CCDC73: variants seen among roughly 807,000 people sequenced by gnomAD.
The protein encoded by CCDC73 is coiled-coil domain-containing protein 73.
CCDC73 carries 95 observed loss-of-function variants against 116.5 expected under a neutral mutation model. The observed-to-expected ratio is 0.82, with a 90% confidence interval of 0.69 to 0.97. The LOEUF (loss-of-function observed/expected upper bound fraction) is 0.97. Ranked by LOEUF, CCDC73 falls within the 50% of genes least tolerant of loss-of-function variation. The pLI is 0.00. For missense variants in CCDC73, 1,066 were observed against 1,206.8 expected (o/e 0.88, Z 1.73); for synonymous variants, 398 against 401.3 (o/e 0.99, Z 0.10).
chr11:32,739,542 A>G lies in CCDC73; in HGVS notation c.135+20567T>C, dbSNP rs116008754. On this transcript the variant is annotated intron_variant, in intron 2 of 17. Coordinates refer to ENST00000335185, the MANE Select transcript of CCDC73 (RefSeq NM_001008391.4). ...AAATGCTACTGGTTTTTGTATGATG[A>G]TTTTGTATTCTGCAACTTTACTGAA... 7.2e-3 allele frequency among the ~76,000 whole-genome samples: 1,095 copies of G among 152,082 alleles called. 17 individuals carry two copies. Among genetic ancestry groups the G allele is most frequent in the African/African-American group, 0.025 (1,054 of 41,478 alleles).
intron 17 of CCDC73, chr11:32,605,892 C>G (rs1286936203): frequency 6.6e-6 from 1 of 152,134 alleles, no homozygotes; most frequent in Non-Finnish European, 1.5e-5. Flanking sequence ...TCTCTTTCAG[C>G]CTGACTTACA....
chr11:32,647,750 G>A (rs1305187149), intron 12 of CCDC73, among the ~76,000 whole-genome samples: 2 of 150,322 alleles, frequency 1.3e-5, no homozygotes, highest in Non-Finnish European at 2.9e-5. Flanking sequence ...GGGCTGGAAG[G>A]TCTCACCATT....
intron 2 of CCDC73, among the ~76,000 whole-genome samples, chr11:32,722,829 T>G (rs1165502249): frequency 6.6e-6 from 1 of 152,178 alleles, no homozygotes; most frequent in Non-Finnish European, 1.5e-5. Flanking sequence ...ATTGATTAAT[T>G]GAATCCTGGA....
intron 2 of CCDC73, among the ~76,000 whole-genome samples, chr11:32,723,491 G>A (rs1490891116): frequency 1.3e-5 from 2 of 152,320 alleles, no homozygotes; most frequent in South Asian, 2.1e-4. Context: ...TTCGTAGGAG[G>A]TGGATTATCA....
chr11:32,768,046 A>G (rs112917241), intron 1 of CCDC73, among the ~76,000 whole-genome samples: 1 of 152,230 alleles, frequency 6.6e-6, no homozygotes, highest in Non-Finnish European at 1.5e-5. Context: ...GGCACTATTC[A>G]CAATAGCAAA....
Position 32,713,760 on chromosome 11 carries a change from C to T in CCDC73, c.207+4316G>A, listed in dbSNP as rs1045459532. On this transcript the variant is annotated intron_variant, in intron 3 of 17. Coordinates refer to ENST00000335185, the MANE Select transcript of CCDC73 (RefSeq NM_001008391.4). ...AGGAAATTACCCCTCAGAGCAAGGA[C>T]AAACTGAACATTATATTCAATCAGC... Among the ~76,000 whole-genome samples the T allele has an allele frequency of 6.6e-5, 10 of 152,098 alleles. No homozygotes were observed. In the East Asian group the frequency reaches 1.9e-3, roughly 29 times the overall value.
upstream of CCDC73, among the ~76,000 whole-genome samples, chr11:32,797,956 C>A (rs1285714484): frequency 6.6e-6 from 1 of 152,164 alleles, no homozygotes; most frequent in Admixed American, 6.5e-5. Context: ...GTGGAAAATG[C>A]CACACTGGAC....
At chr11:32,811,436 C>T in the CCDC73 span, among the ~76,000 whole-genome samples, 2 of 152,126 alleles carry the variant, frequency 1.3e-5, no homozygotes, top group Non-Finnish European at 2.9e-5. Context: ...TTGATGCATA[C>T]TGCCTTAGCA....
chr11:32,691,634 T>C (rs1856259499), intron 6 of CCDC73, among the ~76,000 whole-genome samples: 1 of 152,148 alleles, frequency 6.6e-6, no homozygotes, highest in Non-Finnish European at 1.5e-5. Flanking sequence ...TTTGCAAATG[T>C]TTTCTCCTAC....
chr11:32,735,427 G>C (rs1217204426), intron 2 of CCDC73, among the ~76,000 whole-genome samples: 1 of 152,122 alleles, frequency 6.6e-6, no homozygotes, highest in Admixed American at 6.5e-5. Flanking sequence ...TTGCTTCAAA[G>C]AGAATAAAAT....
intron 6 of CCDC73, among the ~76,000 whole-genome samples, chr11:32,695,835 G>GA (rs1440104212): frequency 9.0e-6 from 1 of 110,606 alleles, no homozygotes; most frequent in East Asian, 3.2e-4. Context: ...TTTTGTTTTT[G>GA]TTTTTTTTTA....
intron 7 of CCDC73, chr11:32,681,271 T>C (rs1856140422): frequency 6.6e-6 from 1 of 152,040 alleles, no homozygotes; most frequent in South Asian, 2.1e-4. Context: ...TAAATTCAAT[T>C]ATTACCCAAC....
chr11:32,737,994 G>C (rs1328120980), intron 2 of CCDC73, among the ~76,000 whole-genome samples: 5 of 152,128 alleles, frequency 3.3e-5, no homozygotes, highest in Non-Finnish European at 2.9e-5. Flanking sequence ...ATGACCTCCA[G>C]TTCCATCCGT....
chr11:32,694,957 A>G (rs1856295415), intron 6 of CCDC73, among the ~76,000 whole-genome samples: 1 of 152,218 alleles, frequency 6.6e-6, no homozygotes, highest in Non-Finnish European at 1.5e-5. Flanking sequence ...GGCTGGGAAG[A>G]TGCAACTGTT....
the CCDC73 span, among the ~76,000 whole-genome samples, chr11:32,803,825 T>G: frequency 6.6e-6 from 1 of 152,318 alleles, no homozygotes; most frequent in Non-Finnish European, 1.5e-5. Context: ...TGTTTGTTTT[T>G]GAGACAGAGT....
At chr11:32,708,486 C>T (rs995317151) in intron 3 of CCDC73, among the ~76,000 whole-genome samples, 41 of 152,054 alleles carry the variant, frequency 2.7e-4, no homozygotes, top group African/African-American at 9.9e-4. Context: ...TTTGTGGATG[C>T]TTTTGGCAAT....
chr11:32,655,374 C>G (rs1014388967), intron 9 of CCDC73, among the ~76,000 whole-genome samples: 1 of 152,034 alleles, frequency 6.6e-6, no homozygotes, highest in Admixed American at 6.6e-5. Context: ...GTAATGAGTG[C>G]TATATTAGAA....
At chr11:32,737,869 C>A (rs1850149457) in intron 2 of CCDC73, among the ~76,000 whole-genome samples, 1 of 151,982 alleles carries the variant, frequency 6.6e-6, no homozygotes. Flanking sequence ...CCTCTAGTAA[C>A]CATCATTCTA....
Position 32,614,240 on chromosome 11 carries a change from A to G in CCDC73, c.2078T>C (p.Leu693Ser), listed in dbSNP as rs775358988. ...GGGAACAGTTAGTTCAGATTTCTCT[A>G]AAGTATCATTACAGACTTGCAGAAA... Reference protein sequence around the residue: ...SDFLQVCNDTLEKSELTVPCD... With the variant: ...SDFLQVCNDTSEKSELTVPCD... The change falls in exon 16 of 18, where the codon TTA becomes TCA. Residue 693 changes from leucine to serine, a missense_variant. Transcript: ENST00000335185. 3.1e-6 allele frequency: 5 copies of G among 1,613,730 alleles called. No individual in the cohort carries two copies. In the South Asian group the frequency reaches 4.4e-5, roughly 14 times the overall value.
Sources: gnomAD v4.1 joint callset for allele counts (sites outside exome capture counted in the v4.1 genomes callset) on GRCh38, gnomAD v4.1.1 for gene constraint, MANE v1.5 for transcripts, NCBI Gene and HGNC (gene_info 2026-07-23, HGNC 2026-07-21) for gene names.